Variants in NEGR1 observed in about 807,000 individuals in gnomAD.
The protein encoded by NEGR1 is IgLON family member 4.
In NEGR1, 10 loss-of-function variants were observed where a neutral mutation model predicts 40.9. The observed-to-expected ratio is 0.24, with a 90% confidence interval of 0.15 to 0.42. The LOEUF (loss-of-function observed/expected upper bound fraction) is 0.42. Among genes scored for constraint, NEGR1 ranks in the 10% least tolerant of loss-of-function variants. The probability of loss-of-function intolerance (pLI) is 1.00; values close to 1 mark genes in which losing one functional copy is unlikely to be tolerated. For synonymous variants in NEGR1, 185 were observed against 166.8 expected (o/e 1.11, Z -0.84); for missense variants, 352 against 438.9 (o/e 0.80, Z 1.77).
chr1:71,613,601 G>A (rs1650342972), intron 4 of NEGR1, among the ~76,000 whole-genome samples: 1 of 150,574 alleles, frequency 6.6e-6, no homozygotes, highest in Non-Finnish European at 1.5e-5. Flanking sequence ...AGGTTGCAGT[G>A]AATTGAGACT....
At chr1:71,746,164 T>A (rs1393342558) in intron 3 of NEGR1, among the ~76,000 whole-genome samples, 2 of 152,234 alleles carry the variant, frequency 1.3e-5, no homozygotes, top group Non-Finnish European at 2.9e-5. Context: ...ATGTTATGCT[T>A]TTCTTGCTAA....
At chr1:72,160,009 A>G (rs1205456424) in intron 1 of NEGR1, among the ~76,000 whole-genome samples, 2 of 152,138 alleles carry the variant, frequency 1.3e-5, no homozygotes, top group Admixed American at 1.3e-4. Flanking sequence ...TTCCATATAT[A>G]TTTTTGAAAA....
At chr1:71,967,142 AC>A (rs545822286) in intron 1 of NEGR1, among the ~76,000 whole-genome samples, 1 of 152,188 alleles carries the variant, frequency 6.6e-6, no homozygotes, top group Non-Finnish European at 1.5e-5. Flanking sequence ...ATAGATTCTG[AC>A]AAAAACATGA....
chr1:72,278,488 A>G (rs549796656), intron 1 of NEGR1, among the ~76,000 whole-genome samples: 17 of 152,164 alleles, frequency 1.1e-4, no homozygotes, highest in Non-Finnish European at 2.1e-4. Context: ...ATATGTTTAC[A>G]TAACAGTATT....
intron 6 of NEGR1, among the ~76,000 whole-genome samples, chr1:71,450,581 C>A: frequency 6.7e-6 from 1 of 150,082 alleles, no homozygotes; most frequent in Non-Finnish European, 1.5e-5. Context: ...CTGAGGCGGG[C>A]AGATCTCTTG....
rs958606867 is a variant in NEGR1, at chr1:71,965,713, A to G, written c.177-30402T>C. On this transcript the variant is annotated intron_variant, in intron 1 of 6. Coordinates refer to ENST00000357731, the MANE Select transcript of NEGR1 (RefSeq NM_173808.3). ...GATTATGAAAATATAAACTTTCCTA[A>G]CAGAATCCAATATAATAAATTAACA... Among the ~76,000 whole-genome samples the G allele has an allele frequency of 3.3e-5, 5 of 152,298 alleles. No homozygotes were observed. In the East Asian group the frequency reaches 9.6e-4, roughly 29 times the overall value.
At chr1:71,845,517 T>A (rs1302820665) in intron 2 of NEGR1, among the ~76,000 whole-genome samples, 1 of 152,158 alleles carries the variant, frequency 6.6e-6, no homozygotes, top group East Asian at 1.9e-4. Context: ...GTAATACTAA[T>A]GAAACTAAGT....
At chr1:71,962,769 A>G (rs1646176057) in intron 1 of NEGR1, among the ~76,000 whole-genome samples, 1 of 133,038 alleles carries the variant, frequency 7.5e-6, no homozygotes, top group African/African-American at 3.3e-5. Flanking sequence ...AAATTCTCCA[A>G]GTTTTTTTTT....
intron 3 of NEGR1, among the ~76,000 whole-genome samples, chr1:71,716,541 T>C (rs1251312373): frequency 6.6e-6 from 1 of 152,118 alleles, no homozygotes; most frequent in East Asian, 1.9e-4. Flanking sequence ...TTATGAAACA[T>C]TGTTCAGTGT....
At chr1:71,581,826 C>T (rs1570062117) in intron 6 of NEGR1, among the ~76,000 whole-genome samples, 1 of 151,970 alleles carries the variant, frequency 6.6e-6, no homozygotes, top group Non-Finnish European at 1.5e-5. Context: ...CCTCAGCATT[C>T]CAAGTAGCTG....
chr1:72,256,134 C>A (rs928027749), intron 1 of NEGR1, among the ~76,000 whole-genome samples: 1 of 152,140 alleles, frequency 6.6e-6, no homozygotes, highest in Non-Finnish European at 1.5e-5. Flanking sequence ...TACATGATTG[C>A]CAAAAATTAA....
At chr1:72,244,392 C>T (rs1198635523) in intron 1 of NEGR1, among the ~76,000 whole-genome samples, 1 of 151,888 alleles carries the variant, frequency 6.6e-6, no homozygotes, top group Non-Finnish European at 1.5e-5. Flanking sequence ...AATATTAACT[C>T]ATACATGTTT....
chr1:72,049,761 C>A (rs539863192), intron 1 of NEGR1, among the ~76,000 whole-genome samples: 2 of 151,480 alleles, frequency 1.3e-5, no homozygotes, highest in Non-Finnish European at 3.0e-5. Flanking sequence ...ATCTTTGTAT[C>A]CCAATTTTTG....
At chr1:71,484,179 A>G (rs537018845) in intron 6 of NEGR1, among the ~76,000 whole-genome samples, 1 of 151,830 alleles carries the variant, frequency 6.6e-6, no homozygotes, top group African/African-American at 2.4e-5. Flanking sequence ...CTTTCTCTAC[A>G]CCAATTTTCA....
chr1:71,830,759 C>T (rs1429671387), intron 2 of NEGR1, among the ~76,000 whole-genome samples: 1 of 151,916 alleles, frequency 6.6e-6, no homozygotes, highest in East Asian at 1.9e-4. Context: ...ACTTTGTAAA[C>T]TTTGTAAAGT....
intron 1 of NEGR1, among the ~76,000 whole-genome samples, chr1:72,268,297 T>C (rs976121627): frequency 6.6e-6 from 1 of 151,490 alleles, no homozygotes; most frequent in South Asian, 2.1e-4. Flanking sequence ...CGTATATTAT[T>C]ATAGTGTTCA....
At chr1:72,263,314 A>C (rs1354604369) in intron 1 of NEGR1, among the ~76,000 whole-genome samples, 1 of 151,734 alleles carries the variant, frequency 6.6e-6, no homozygotes, top group East Asian at 1.9e-4. Flanking sequence ...AGAGAAGTTT[A>C]CTTACATGCT....
chr1:71,752,544 G>C (rs1274523066), intron 3 of NEGR1, among the ~76,000 whole-genome samples: 1 of 152,134 alleles, frequency 6.6e-6, no homozygotes, highest in Non-Finnish European at 1.5e-5. Flanking sequence ...TTTATTCTAA[G>C]TGTATGCTAT....
At chr1:71,608,333 C>G (rs1454314051) in intron 5 of NEGR1, among the ~76,000 whole-genome samples, 1 of 151,926 alleles carries the variant, frequency 6.6e-6, no homozygotes, top group African/African-American at 2.4e-5. Context: ...CTACCTTTTC[C>G]TTTTTAGCAA....
Sources: allele counts gnomAD v4.1 joint callset (sites outside exome capture counted in the v4.1 genomes callset), GRCh38; gene constraint gnomAD v4.1.1; transcripts MANE v1.5; gene names NCBI Gene and HGNC (gene_info 2026-07-23, HGNC 2026-07-21).